Variants in SFMBT2 observed in about 807,000 individuals in gnomAD.
The protein encoded by SFMBT2 is Scm like with four mbt domains 2, also known as scm-like with four MBT domains protein 2.
Under a neutral mutation model 110.1 loss-of-function variants are expected in SFMBT2, and 38 were observed. The ratio of observed to expected loss-of-function variants is 0.35; its 90% confidence interval spans 0.27 to 0.45. The LOEUF (loss-of-function observed/expected upper bound fraction) is 0.45, where lower values mean the gene tolerates loss of function less well. SFMBT2 is among the 20% of genes least tolerant of loss of function. The pLI, the probability that SFMBT2 is intolerant of heterozygous loss-of-function variation, is 1.00. For missense variants in SFMBT2, 1,011 were observed against 1,094.9 expected, an observed-to-expected ratio of 0.92 and a Z score of 1.08; for synonymous variants, 425 against 425.4, an observed-to-expected ratio of 1.00 and a Z score of 0.01.
intron 9 of SFMBT2, among the ~76,000 whole-genome samples, chr10:7,228,951 T>C (rs12416308): frequency 0.28 from 42,405 of 151,706 alleles, 6,190 homozygotes; most frequent in South Asian, 0.4. Flanking sequence ...TGCCTCTTAA[T>C]GGGAGTCTCA....
At chr10:7,202,714 T>C (rs1283701243) in intron 12 of SFMBT2, 192 bp from the exon 13 acceptor site, 8 of 985,406 alleles carry the variant, frequency 8.1e-6, no homozygotes, top group African/African-American at 1.7e-5. Flanking sequence ...TCACCAGATG[T>C]CAGATCTTAG....
intron 16 of SFMBT2, chr10:7,176,542 T>G (rs1838061128): frequency 1.0e-6 from 1 of 983,730 alleles, no homozygotes; most frequent in South Asian, 4.7e-5. Context: ...CATATTTCAT[T>G]TTTGAAAAAT....
chr10:7,266,236 A>C (rs1222034737), intron 7 of SFMBT2, among the ~76,000 whole-genome samples: 3 of 152,014 alleles, frequency 2.0e-5, no homozygotes, highest in African/African-American at 7.2e-5. Context: ...ATTATAGGCA[A>C]GCACCACCAT....
intron 15 of SFMBT2, among the ~76,000 whole-genome samples, chr10:7,194,238 T>A (rs1288087121): frequency 6.6e-6 from 1 of 152,170 alleles, no homozygotes; most frequent in African/African-American, 2.4e-5. Flanking sequence ...CTCCCCTCGC[T>A]GCACCCCCTC....
chr10:7,213,640 C>CGTGGAGATGTTTTGCAGGGG (rs1205811766), intron 11 of SFMBT2, among the ~76,000 whole-genome samples: 1 of 152,054 alleles, frequency 6.6e-6, no homozygotes, highest in Non-Finnish European at 1.5e-5. Context: ...GCTGCTGCCA[C>CGTGGAGATGTTTTGCAGGGG]GTGGAGATGT....
chr10:7,321,837 C>T (rs1282168844), intron 4 of SFMBT2, among the ~76,000 whole-genome samples: 1 of 152,180 alleles, frequency 6.6e-6, no homozygotes. Context: ...TAATTTCTTA[C>T]ATTTGCAATG....
At chr10:7,407,788 A>G (rs1846258520) in intron 1 of SFMBT2, among the ~76,000 whole-genome samples, 1 of 152,006 alleles carries the variant, frequency 6.6e-6, no homozygotes, top group Non-Finnish European at 1.5e-5. Context: ...CTCGGACACC[A>G]CAAACGCCAT....
At position 7,159,989 on chromosome 10, in the gene SFMBT2, G is replaced by C. The variant is rs1005563125; in HGVS notation, c.*3781C>G. On this transcript the variant is annotated 3_prime_UTR_variant, in exon 21 of 21. Coordinates refer to ENST00000397167, the MANE Select transcript of SFMBT2 (RefSeq NM_001387889.1). Reference sequence around the variant, plus strand: ...AAGGCTGATCAAAATCAACCTTCTAGAGAGGGCAGTGTTCAAGGTGTGGAT... The same window carrying C: ...AAGGCTGATCAAAATCAACCTTCTACAGAGGGCAGTGTTCAAGGTGTGGAT... 1 of 152,188 alleles carries C rather than the reference G, an allele frequency of 6.6e-6. No individual in the cohort carries two copies. Among genetic ancestry groups the C allele is most frequent in the African/African-American group, 2.4e-5 (1 of 41,444 alleles). The allele number at this position is 152,188 out of a possible 1,614,324, so 9.4% of individuals were successfully genotyped here.
intron 4 of SFMBT2, 111 bp from the exon 5 acceptor site, chr10:7,286,065 T>C (rs1564422320): frequency 1.5e-6 from 1 of 666,136 alleles, no homozygotes. Context: ...CATGTAGGTT[T>C]GATTTCAATG....
intron 1 of SFMBT2, among the ~76,000 whole-genome samples, chr10:7,387,661 T>C (rs1230732177): frequency 1.3e-5 from 2 of 151,946 alleles, no homozygotes; most frequent in African/African-American, 4.8e-5. Flanking sequence ...ATGGGCATGG[T>C]GGCTCACGTC....
intron 4 of SFMBT2, among the ~76,000 whole-genome samples, chr10:7,302,877 T>C (rs547408749): frequency 1.7e-4 from 26 of 152,170 alleles, no homozygotes; most frequent in Non-Finnish European, 2.9e-4. Flanking sequence ...TTCTTTCTTA[T>C]CAATAACAGA....
chr10:7,267,301 A>G (rs775509567), intron 7 of SFMBT2, among the ~76,000 whole-genome samples: 11 of 152,144 alleles, frequency 7.2e-5, no homozygotes, highest in Non-Finnish European at 1.5e-4. Flanking sequence ...ATAACCTATA[A>G]CCATGAGTGT....
intron 4 of SFMBT2, among the ~76,000 whole-genome samples, chr10:7,339,592 C>A (rs1436811486): frequency 6.6e-6 from 1 of 152,172 alleles, no homozygotes; most frequent in African/African-American, 2.4e-5. Context: ...ATCTTCATCA[C>A]CCCTAAGCCT....
intron 9 of SFMBT2, among the ~76,000 whole-genome samples, chr10:7,234,355 T>G (rs1373069916): frequency 1.3e-5 from 2 of 152,192 alleles, no homozygotes; most frequent in Non-Finnish European, 2.9e-5. Context: ...TTAATATACT[T>G]CTCTGCTGAG....
intron 7 of SFMBT2, among the ~76,000 whole-genome samples, chr10:7,259,022 G>A (rs1841118701): frequency 6.6e-6 from 1 of 152,176 alleles, no homozygotes; most frequent in Non-Finnish European, 1.5e-5. Flanking sequence ...TAGGACCGTA[G>A]TATCATAGAT....
intron 3 of SFMBT2, among the ~76,000 whole-genome samples, chr10:7,368,140 C>T (rs1228592664): frequency 1.3e-5 from 2 of 152,086 alleles, no homozygotes; most frequent in African/African-American, 4.8e-5. Flanking sequence ...CCCAATATAT[C>T]CAAAACATTA....
At chr10:7,376,988 G>T (rs1286871649) in intron 2 of SFMBT2, among the ~76,000 whole-genome samples, 2 of 151,262 alleles carry the variant, frequency 1.3e-5, no homozygotes, top group African/African-American at 4.9e-5. Flanking sequence ...GGCTAACATG[G>T]TGAAACCCCA....
At chr10:7,383,748 A>G (rs1011242139) in intron 1 of SFMBT2, among the ~76,000 whole-genome samples, 1 of 152,180 alleles carries the variant, frequency 6.6e-6, no homozygotes, top group Non-Finnish European at 1.5e-5. Flanking sequence ...CTTTCTCAGC[A>G]CAGGGCCTTA....
chr10:7,304,333 T>C (rs1842634899), intron 4 of SFMBT2, among the ~76,000 whole-genome samples: 1 of 152,182 alleles, frequency 6.6e-6, no homozygotes, highest in Non-Finnish European at 1.5e-5. Context: ...CATACCTTTG[T>C]TCCCCTTTGA....
Sources: gnomAD v4.1 joint callset for allele counts (sites outside exome capture counted in the v4.1 genomes callset) on GRCh38, gnomAD v4.1.1 for gene constraint, MANE v1.5 for transcripts, NCBI Gene and HGNC (gene_info 2026-07-23, HGNC 2026-07-21) for gene names.